Variants in SH3D19 observed in about 807,000 individuals in gnomAD.
SH3D19 encodes SH3 domain-containing protein 19.
SH3D19 carries 58 observed loss-of-function variants against 112.1 expected under a neutral mutation model. That is an observed-to-expected ratio of 0.52 (90% CI 0.42 to 0.64). SH3D19 has a LOEUF of 0.64. Among genes scored for constraint, SH3D19 ranks in the 30% least tolerant of loss-of-function variants. SH3D19 has a pLI of 0.00. For missense variants in SH3D19, 1,090 were observed against 1,263.4 expected (o/e 0.86, Z 2.08); for synonymous variants, 391 against 448.5 (o/e 0.87, Z 1.62).
At chr4:151,203,943 T>C (rs762883245) in intron 2 of SH3D19, among the ~76,000 whole-genome samples, 13 of 152,174 alleles carry the variant, frequency 8.5e-5, no homozygotes, top group Non-Finnish European at 1.9e-4. Context: ...GGGGGAGGAT[T>C]TTTTTTAAAT....
chr4:151,230,399 C>G (rs1015761505), intron 1 of SH3D19, among the ~76,000 whole-genome samples: 1 of 152,140 alleles, frequency 6.6e-6, no homozygotes, highest in Non-Finnish European at 1.5e-5. Flanking sequence ...GTAAGACATT[C>G]AGGCTTTGAT....
intron 1 of SH3D19, among the ~76,000 whole-genome samples, chr4:151,264,739 G>A (rs1772642580): frequency 6.6e-6 from 1 of 152,138 alleles, no homozygotes; most frequent in Non-Finnish European, 1.5e-5. Flanking sequence ...GACAATCAGA[G>A]TAGTCTAAGA....
intron 13 of SH3D19, among the ~76,000 whole-genome samples, chr4:151,139,409 C>T (rs1752567165): frequency 6.6e-6 from 1 of 152,060 alleles, no homozygotes; most frequent in Admixed American, 6.6e-5. Flanking sequence ...GCCTCGGCCT[C>T]CCAAAGTGCT....
intron 2 of SH3D19, among the ~76,000 whole-genome samples, chr4:151,215,040 G>A (rs998280994): frequency 8.8e-5 from 11 of 125,336 alleles, no homozygotes; most frequent in Non-Finnish European, 1.5e-4. Context: ...ACGGGGCGGC[G>A]GGGCAAAGGC....
chr4:151,121,623 G>A lies in SH3D19; in HGVS notation c.*468C>T, dbSNP rs1450319416. On this transcript the variant is annotated 3_prime_UTR_variant, in exon 20 of 20. Coordinates refer to ENST00000604030, the MANE Select transcript of SH3D19 (RefSeq NM_001378122.1). Reference sequence around the variant, plus strand: ...CTGGTAATAAGGCTGATATGCTCAAGCTGTAAGAATTAATTTGAATATCAA... The same window carrying A: ...CTGGTAATAAGGCTGATATGCTCAAACTGTAAGAATTAATTTGAATATCAA... 1 of 152,512 alleles carries A rather than the reference G, an allele frequency of 6.6e-6. No individual in the cohort carries two copies. The highest frequency in any genetic ancestry group is 1.9e-4 in the East Asian group (1 of 5,212). 9.4% of individuals were successfully genotyped at this position (152,512 alleles called of 1,614,324 possible).
chr4:151,191,952 T>TTTTTTTC lies in SH3D19; in HGVS notation c.153-4490_153-4489insGAAAAAA, dbSNP rs1554049671. On this transcript the variant is annotated intron_variant, in intron 2 of 19. Coordinates refer to ENST00000604030, the MANE Select transcript of SH3D19 (RefSeq NM_001378122.1). ...GAGCCACCACACCCAGCCCTTTTTT[T>TTTTTTTC]TTTTTTTTTTTGATACAGAGTCTTG... Among the ~76,000 whole-genome samples the TTTTTTTC allele has an allele frequency of 5.6e-4, 72 of 129,716 alleles. 1 individual carries two copies. Among genetic ancestry groups the TTTTTTTC allele is most frequent in the South Asian group, 2.3e-3 (9 of 3,984 alleles). The allele number at this position is 129,716 out of a possible 152,430, so 85.1% of individuals were successfully genotyped here.
intron 19 of SH3D19, among the ~76,000 whole-genome samples, chr4:151,125,937 C>CAA (rs75101365): frequency 6.6e-6 from 1 of 150,590 alleles, no homozygotes; most frequent in South Asian, 2.1e-4. Flanking sequence ...ACATTTAATA[C>CAA]AAAAAGATGA....
At chr4:151,295,357 G>A (rs1338830590) in intron 1 of SH3D19, among the ~76,000 whole-genome samples, 2 of 152,216 alleles carry the variant, frequency 1.3e-5, no homozygotes, top group African/African-American at 4.8e-5. Flanking sequence ...CTGAAGTAGA[G>A]CTGAGTGAAA....
At chr4:151,304,111 C>G (rs748735219) in intron 1 of SH3D19, among the ~76,000 whole-genome samples, 1 of 152,006 alleles carries the variant, frequency 6.6e-6, no homozygotes. Context: ...TACTACCCAA[C>G]CCAGCTCTGA....
chr4:151,186,606 G>T (rs993390574), intron 3 of SH3D19, among the ~76,000 whole-genome samples: 3 of 148,386 alleles, frequency 2.0e-5, no homozygotes, highest in African/African-American at 7.4e-5. Context: ...GCTAATTTTT[G>T]TATTTTTAGT....
At chr4:151,262,786 C>T (rs1772480887) in intron 1 of SH3D19, 2 of 151,938 alleles carry the variant, frequency 1.3e-5, no homozygotes, top group South Asian at 4.1e-4. Flanking sequence ...AGCCAGGGAT[C>T]AAACTGCATC....
At chr4:151,303,135 A>T (rs755769425) in intron 1 of SH3D19, among the ~76,000 whole-genome samples, 19 of 152,244 alleles carry the variant, frequency 1.2e-4, no homozygotes, top group Non-Finnish European at 2.5e-4. Context: ...TGCTAAAGAT[A>T]GGTTTTGATT....
intron 9 of SH3D19, among the ~76,000 whole-genome samples, chr4:151,157,747 T>C (rs1385365382): frequency 1.3e-5 from 2 of 152,134 alleles, no homozygotes; most frequent in Non-Finnish European, 2.9e-5. Flanking sequence ...CATGGAATAC[T>C]ATACAGCCAT....
In SH3D19 at chr4:151,191,338, T is replaced by C. The variant is rs533579568; in HGVS notation, c.153-3875A>G. 9.2e-5 allele frequency among the ~76,000 whole-genome samples: 14 copies of C among 152,332 alleles called. No individual in the cohort carries two copies. In the East Asian group the frequency reaches 2.1e-3, roughly 23 times the overall value. On this transcript the variant is annotated intron_variant, in intron 2 of 19. Transcript: ENST00000604030. ...TTGGGGGACTCTTACGAAGGCATGA[T>C]TGGTTTTAAAATGTGAGGACATGAC...
chr4:151,125,845 CAAAAA>C (rs66688611), intron 19 of SH3D19, among the ~76,000 whole-genome samples: 2 of 94,236 alleles, frequency 2.1e-5, no homozygotes, highest in Non-Finnish European at 4.2e-5. Flanking sequence ...ATCTCAAAAA[CAAAAA>C]AAAAAAAAAA....
intron 1 of SH3D19, among the ~76,000 whole-genome samples, chr4:151,320,436 G>A (rs990706129): frequency 3.3e-5 from 5 of 152,140 alleles, no homozygotes; most frequent in African/African-American, 1.2e-4. Flanking sequence ...GACAATAAAG[G>A]AAATATAGGA....
intron 1 of SH3D19, among the ~76,000 whole-genome samples, chr4:151,299,855 T>G (rs945601582): frequency 6.6e-6 from 1 of 152,234 alleles, no homozygotes; most frequent in Non-Finnish European, 1.5e-5. Flanking sequence ...AAACAACTAG[T>G]TCCAAAATAG....
rs1769880978 is a variant in SH3D19 at position 151,234,728 on chromosome 4, A to AGTTTGG, written c.113-8643_113-8642insCCAAAC. On this transcript the variant is annotated intron_variant, in intron 1 of 19. Transcript: ENST00000604030. ...TTTTTTGGTTTTTGTTTTCTTTCCA[A>AGTTTGG]GTTTGTGTTTTTTTTTTTTTTTTTT... Among the ~76,000 whole-genome samples, 2 of 44,502 alleles carry AGTTTGG rather than the reference A, an allele frequency of 4.5e-5. 1 individual carries two copies. The allele number at this position is 44,502 out of a possible 152,430, so 29.2% of individuals were successfully genotyped here.
At chr4:151,324,373 G>C (rs563865849) in intron 1 of SH3D19, among the ~76,000 whole-genome samples, 1 of 152,212 alleles carries the variant, frequency 6.6e-6, no homozygotes, top group South Asian at 2.1e-4. Context: ...TCAGTGAATC[G>C]TTCTCCTCCG....
Sources: gnomAD v4.1 joint callset for allele counts (sites outside exome capture counted in the v4.1 genomes callset) on GRCh38, gnomAD v4.1.1 for gene constraint, MANE v1.5 for transcripts, NCBI Gene and HGNC (gene_info 2026-07-23, HGNC 2026-07-21) for gene names.